The following NOVA1 variants were observed in gnomAD, a reference collection of about 807,000 sequenced individuals.
NOVA1 encodes NOVA alternative splicing regulator 1.
In NOVA1, 7 loss-of-function variants were observed where a neutral mutation model predicts 38.0. The ratio of observed to expected loss-of-function variants is 0.18; its 90% CI spans 0.10 to 0.35. NOVA1 has a LOEUF of 0.35. Ranked by LOEUF, NOVA1 falls within the 10% of genes least tolerant of loss-of-function variation. The probability of loss-of-function intolerance (pLI) is 1.00; values close to 1 mark genes in which losing one functional copy is unlikely to be tolerated. For missense variants in NOVA1, 460 were observed against 616.0 expected (o/e 0.75, Z 2.68); for synonymous variants, 270 against 232.5 (o/e 1.16, Z -1.47).
At chr14:26,560,487 G>A (rs78923563) in intron 2 of NOVA1, among the ~76,000 whole-genome samples, 1,776 of 152,056 alleles carry the variant, frequency 0.012, 23 homozygotes, top group Middle Eastern at 0.058. Context: ...AAATTGCCTC[G>A]TTTTGAGATT....
chr14:26,544,202 T>C (rs563429811), intron 2 of NOVA1, among the ~76,000 whole-genome samples: 1 of 151,744 alleles, frequency 6.6e-6, no homozygotes, highest in African/African-American at 2.4e-5. Context: ...AAAAACAAGG[T>C]AACTCCAAAA....
At chr14:26,578,920 C>G (rs1893031589) in intron 2 of NOVA1, among the ~76,000 whole-genome samples, 1 of 151,964 alleles carries the variant, frequency 6.6e-6, no homozygotes, top group Admixed American at 6.6e-5. Flanking sequence ...GTCATCATCT[C>G]TACAGATTTT....
At chr14:26,458,101 G>T (rs1001253540) in intron 4 of NOVA1, among the ~76,000 whole-genome samples, 1 of 152,078 alleles carries the variant, frequency 6.6e-6, no homozygotes, top group African/African-American at 2.4e-5. Flanking sequence ...CTAATCGTTA[G>T]AGAAATGCAA....
intron 2 of NOVA1, among the ~76,000 whole-genome samples, chr14:26,591,986 T>A: frequency 6.7e-6 from 1 of 149,702 alleles, no homozygotes; most frequent in Non-Finnish European, 1.5e-5. Flanking sequence ...AATAGACAGA[T>A]TCCAACACTA....
intron 2 of NOVA1, among the ~76,000 whole-genome samples, chr14:26,502,231 T>C (rs968692993): frequency 6.6e-6 from 1 of 151,918 alleles, no homozygotes; most frequent in South Asian, 2.1e-4. Context: ...ATGGATATTA[T>C]ATGGATCATG....
intron 2 of NOVA1, among the ~76,000 whole-genome samples, chr14:26,484,597 T>C (rs757555306): frequency 6.6e-6 from 1 of 152,194 alleles, no homozygotes; most frequent in African/African-American, 2.4e-5. Context: ...ATGAGTTTTA[T>C]AGATACTCTC....
intron 2 of NOVA1, among the ~76,000 whole-genome samples, chr14:26,504,460 T>G (rs1051157350): frequency 2.0e-5 from 3 of 152,192 alleles, no homozygotes; most frequent in Non-Finnish European, 4.4e-5. Flanking sequence ...ATCTCTTCCC[T>G]TTTTGTCTCA....
At chr14:26,504,006 CTTTA>C (rs941335049) in intron 2 of NOVA1, among the ~76,000 whole-genome samples, 14 of 152,088 alleles carry the variant, frequency 9.2e-5, no homozygotes, top group Non-Finnish European at 2.1e-4. Context: ...ATAAATCTCT[CTTTA>C]TACTCAAAAT....
chr14:26,503,264 G>A (rs191046230), intron 2 of NOVA1, among the ~76,000 whole-genome samples: 2 of 151,656 alleles, frequency 1.3e-5, no homozygotes, highest in Admixed American at 1.3e-4. Flanking sequence ...AAATGAGCTA[G>A]GTATATGAAC....
intron 2 of NOVA1, among the ~76,000 whole-genome samples, chr14:26,500,843 T>C (rs1887196120): frequency 6.6e-6 from 1 of 152,000 alleles, no homozygotes; most frequent in Non-Finnish European, 1.5e-5. Flanking sequence ...GTTCTCTAAG[T>C]ATGTTCTATA....
chr14:26,549,677 T>C, intron 2 of NOVA1: 1 of 1,243,122 alleles, frequency 8.0e-7, no homozygotes, highest in South Asian at 1.3e-5. Flanking sequence ...ACAAGAAACT[T>C]ACAGTCTATG....
At chr14:26,584,444 A>G (rs1021363611) in intron 2 of NOVA1, among the ~76,000 whole-genome samples, 3 of 151,586 alleles carry the variant, frequency 2.0e-5, no homozygotes, top group Non-Finnish European at 4.4e-5. Context: ...TTTTACAGAC[A>G]CACAGCAGAT....
chr14:26,511,621 G>A (rs947973468), intron 2 of NOVA1, among the ~76,000 whole-genome samples: 1 of 151,938 alleles, frequency 6.6e-6, no homozygotes, highest in Non-Finnish European at 1.5e-5. Context: ...GCGTGGTGGT[G>A]CATGCCTGCA....
intron 4 of NOVA1, chr14:26,470,393 A>G (rs1953191396): frequency 1.3e-6 from 2 of 1,514,426 alleles, no homozygotes; most frequent in African/African-American, 1.4e-5. Flanking sequence ...TATTAATAAT[A>G]TGAAAGATTG....
At chr14:26,551,461 C>G (rs137933760) in intron 2 of NOVA1, among the ~76,000 whole-genome samples, 216 of 152,120 alleles carry the variant, frequency 1.4e-3, no homozygotes, top group African/African-American at 4.9e-3. Context: ...TTAGCCATGT[C>G]TTCTAAAATA....
intron 2 of NOVA1, among the ~76,000 whole-genome samples, chr14:26,570,409 A>G (rs1489673391): frequency 2.0e-5 from 3 of 152,100 alleles, no homozygotes; most frequent in Non-Finnish European, 4.4e-5. Flanking sequence ...ACTCAACTGA[A>G]CAAAGTAATC....
At chr14:26,585,089 G>C (rs1307299154) in intron 2 of NOVA1, among the ~76,000 whole-genome samples, 1 of 151,402 alleles carries the variant, frequency 6.6e-6, no homozygotes, top group African/African-American at 2.4e-5. Flanking sequence ...CACAAGGCAT[G>C]AAAGAGTGCT....
At chr14:26,583,748 A>G (rs1566558899) in intron 2 of NOVA1, among the ~76,000 whole-genome samples, 1 of 151,442 alleles carries the variant, frequency 6.6e-6, no homozygotes, top group Admixed American at 6.6e-5. Context: ...TATCTCAATA[A>G]TCAACAAAAA....
chr14:26,510,768 C>T (rs1888019654), intron 2 of NOVA1, among the ~76,000 whole-genome samples: 1 of 152,118 alleles, frequency 6.6e-6, no homozygotes, highest in Admixed American at 6.6e-5. Context: ...GGTTTCTCCT[C>T]TTCACTCAAA....
Sources: allele counts gnomAD v4.1 joint callset (sites outside exome capture counted in the v4.1 genomes callset), GRCh38; gene constraint gnomAD v4.1.1; transcripts MANE v1.5; gene names NCBI Gene and HGNC (gene_info 2026-07-23, HGNC 2026-07-21).